CATSPERB: variants seen among roughly 807,000 people sequenced by gnomAD.
CATSPERB encodes the protein catsper channel auxiliary subunit beta.
A neutral mutation model predicts 128.3 loss-of-function variants in CATSPERB; 93 were observed. The observed-to-expected ratio is 0.72, with a 90% CI of 0.61 to 0.86. The LOEUF (loss-of-function observed/expected upper bound fraction) is 0.86, where lower values mean the gene tolerates loss of function less well. Ranked by LOEUF, CATSPERB falls within the 40% of genes least tolerant of loss-of-function variation. The probability of loss-of-function intolerance (pLI) is 0.00; values close to 1 mark genes in which losing one functional copy is unlikely to be tolerated. For missense variants in CATSPERB, 1,153 were observed against 1,329.5 expected (o/e 0.87, Z 2.06); for synonymous variants, 381 against 448.8 (o/e 0.85, Z 1.91).
Position 91,610,524 on chromosome 14 carries a change from C to T in CATSPERB, c.2554G>A (p.Val852Ile). 1 of 1,613,870 alleles carries T rather than the reference C, an allele frequency of 6.2e-7. No individual in the cohort carries two copies. The highest frequency in any genetic ancestry group is 8.5e-7 in the Non-Finnish European group (1 of 1,179,996). Residue 852 changes from valine (V) to isoleucine (I), a missense_variant, in exon 21 of 27, where the codon GTT becomes ATT. By Grantham distance (29) the Val-to-Ile change is conservative (BLOSUM62 3). Coordinates refer to ENST00000256343, the MANE Select transcript of CATSPERB (RefSeq NM_024764.4). ...TTAAAACCCTGACTGTCTTTATGAA[C>T]TCCACTAATCCAGTCTTCAAATGGG... is the stretch of plus-strand genomic sequence containing the variant. ...FIPFEDWISGVHKDSQGFNLI... is the reference protein window; with the variant it reads ...FIPFEDWISGIHKDSQGFNLI...
At chr14:91,654,405 A>C (rs1894754627) in intron 15 of CATSPERB, among the ~76,000 whole-genome samples, 1 of 152,176 alleles carries the variant, frequency 6.6e-6, no homozygotes, top group African/African-American at 2.4e-5. Context: ...CAGGACTGGC[A>C]GCATTCACCA....
At chr14:91,600,199 A>T (rs919207085) in intron 22 of CATSPERB, among the ~76,000 whole-genome samples, 6 of 152,224 alleles carry the variant, frequency 3.9e-5, no homozygotes, top group African/African-American at 1.2e-4. Context: ...ACTGATATCC[A>T]TAACAGCTGC....
intron 5 of CATSPERB, among the ~76,000 whole-genome samples, chr14:91,708,792 TATC>T (rs1294480382): frequency 6.6e-6 from 1 of 152,212 alleles, no homozygotes; most frequent in Non-Finnish European, 1.5e-5. Flanking sequence ...TGGTCTAAAA[TATC>T]ATCTAAAAGA....
chr14:91,628,478 C>T (rs1252157211), intron 17 of CATSPERB, among the ~76,000 whole-genome samples: 4 of 152,170 alleles, frequency 2.6e-5, no homozygotes, highest in Non-Finnish European at 4.4e-5. Context: ...CAAATCTCAT[C>T]TTGAATTGTA....
intron 4 of CATSPERB, among the ~76,000 whole-genome samples, chr14:91,720,826 C>T (rs890225257): frequency 3.3e-5 from 5 of 152,104 alleles, no homozygotes; most frequent in Non-Finnish European, 5.9e-5. Flanking sequence ...TGATTTCAAA[C>T]TGTAGTACAA....
At position 91,624,656 on chromosome 14, in the gene CATSPERB, C is replaced by T. The variant is rs9671764; in HGVS notation, c.1930+164G>A. Among the ~76,000 whole-genome samples the T allele has an allele frequency of 7.5e-5, 11 of 147,332 alleles. No homozygotes were observed. In the Admixed American group the frequency reaches 7.5e-4, roughly 10 times the overall value. ...ACTCCATTGCCAAAAAAAAAAAAAACAAAAAACTTTCAGGAACCCAAATAT... is the reference window on the plus strand; with the variant it reads ...ACTCCATTGCCAAAAAAAAAAAAAATAAAAAACTTTCAGGAACCCAAATAT... On this transcript the variant is annotated intron_variant, in intron 18 of 26. Transcript: ENST00000256343.
In CATSPERB at chr14:91,665,995, G is replaced by A. The variant is rs376934865; in HGVS notation, c.1287+3819C>T. 3.0e-4 allele frequency among the ~76,000 whole-genome samples: 46 copies of A among 152,252 alleles called. 1 individual carries two copies. The South Asian group carries it at 9.5e-3, about 32-fold the overall frequency. ...GTGGAAGTGATTGGATCATGGGGGCGATTTCCCCATGCTGTTCTCGTGATA... is the reference window on the plus strand; with the variant it reads ...GTGGAAGTGATTGGATCATGGGGGCAATTTCCCCATGCTGTTCTCGTGATA... On this transcript the variant is annotated intron_variant, in intron 14 of 26. Coordinates refer to ENST00000256343, the MANE Select transcript of CATSPERB (RefSeq NM_024764.4).
chr14:91,647,268 A>G (rs1894622254), intron 15 of CATSPERB, among the ~76,000 whole-genome samples: 1 of 152,086 alleles, frequency 6.6e-6, no homozygotes, highest in Non-Finnish European at 1.5e-5. Flanking sequence ...CCTCTGATTA[A>G]TCTTTATCGT....
At position 91,667,193 on chromosome 14, in the gene CATSPERB, T is replaced by C. The variant is rs143066099; in HGVS notation, c.1287+2621A>G. On this transcript the variant is annotated intron_variant, in intron 14 of 26. Coordinates refer to ENST00000256343, the MANE Select transcript of CATSPERB (RefSeq NM_024764.4). ...TGCTGCAATATGGAAAGAAAGGGAG[T>C]TCCTAACCTCTGGGGGAACCCCATT... 2.7e-4 allele frequency among the ~76,000 whole-genome samples: 41 copies of C among 152,232 alleles called. No homozygotes were observed. The East Asian group carries it at 6.7e-3, about 25-fold the overall frequency.
chr14:91,727,330 A>G (rs971930346), intron 2 of CATSPERB, among the ~76,000 whole-genome samples: 15 of 152,206 alleles, frequency 9.9e-5, no homozygotes, highest in African/African-American at 3.6e-4. Context: ...GTAACCAAAA[A>G]AATCTTGGTT....
At position 91,587,966 on chromosome 14, in the gene CATSPERB, T is replaced by C; in HGVS notation, c.3057+12A>G. 9 of 1,538,710 alleles carry C rather than the reference T, an allele frequency of 5.8e-6. No homozygotes were observed. Among genetic ancestry groups the C allele is most frequent in the South Asian group, 1.1e-5 (1 of 88,484 alleles). On this transcript the variant is annotated intron_variant, in intron 25 of 26. Transcript: ENST00000256343. ...AAACTCAACACAGTAAAAACAACAA[T>C]GCCATCATTACCTTTATGCTTAAGT...
intron 22 of CATSPERB, among the ~76,000 whole-genome samples, chr14:91,606,014 A>G (rs1404793896): frequency 6.6e-6 from 1 of 151,868 alleles, no homozygotes; most frequent in Non-Finnish European, 1.5e-5. Flanking sequence ...CGTCTCTACT[A>G]AAAATACAAA....
intron 14 of CATSPERB, among the ~76,000 whole-genome samples, chr14:91,668,547 G>A (rs182407793): frequency 6.2e-4 from 95 of 152,256 alleles, no homozygotes; most frequent in African/African-American, 1.9e-3. Context: ...AGCCAGCAAC[G>A]GCAAGCTACT....
At chr14:91,704,156 T>C (rs986154519) in intron 7 of CATSPERB, among the ~76,000 whole-genome samples, 4 of 152,298 alleles carry the variant, frequency 2.6e-5, no homozygotes, top group African/African-American at 9.6e-5. Flanking sequence ...TTTCCCTATA[T>C]AGATGCTCTC....
intron 7 of CATSPERB, among the ~76,000 whole-genome samples, chr14:91,702,985 A>G (rs1415247229): frequency 6.6e-6 from 1 of 151,926 alleles, no homozygotes; most frequent in Non-Finnish European, 1.5e-5. Context: ...ATCTTTAATT[A>G]GTCCTTGGTG....
At position 91,609,875 on chromosome 14, in the gene CATSPERB, C is replaced by T. The variant is rs544324812; in HGVS notation, c.2598+605G>A. 1.6e-4 allele frequency among the ~76,000 whole-genome samples: 25 copies of T among 152,280 alleles called. No individual in the cohort carries two copies. The South Asian group carries it at 4.6e-3, about 28-fold the overall frequency. ...AGCTGGGATTACAGGCGCGTGCCAC[C>T]GTGCCGGGCTAATTTTTGTATTTTT... On this transcript the variant is annotated intron_variant, in intron 21 of 26. Coordinates refer to ENST00000256343, the MANE Select transcript of CATSPERB (RefSeq NM_024764.4).
At chr14:91,587,603 T>C (rs180945666) in intron 25 of CATSPERB, among the ~76,000 whole-genome samples, 8 of 152,044 alleles carry the variant, frequency 5.3e-5, no homozygotes, top group Middle Eastern at 6.8e-3. Context: ...CTAATTCTGA[T>C]TGGTTTTCAC....
At chr14:91,715,009 G>A in intron 5 of CATSPERB, 1 of 153,182 alleles carries the variant, frequency 6.5e-6, no homozygotes, top group Non-Finnish European at 1.5e-5. Flanking sequence ...CCAACACCAG[G>A]AGCCAGCTTC....
intron 19 of CATSPERB, among the ~76,000 whole-genome samples, chr14:91,619,712 G>A (rs1360314292): frequency 6.6e-6 from 1 of 151,862 alleles, no homozygotes; most frequent in Non-Finnish European, 1.5e-5. Context: ...TCTCTGTTAT[G>A]GTGGGTCATT....
Sources: gnomAD v4.1 joint callset for allele counts (sites outside exome capture counted in the v4.1 genomes callset) on GRCh38, gnomAD v4.1.1 for gene constraint, MANE v1.5 for transcripts, NCBI Gene and HGNC (gene_info 2026-07-23, HGNC 2026-07-21) for gene names.